Variants in C1orf174 observed in about 807,000 individuals in gnomAD.
C1orf174 encodes chromosome 1 open reading frame 174, also known as UPF0688 protein C1orf174.
C1orf174 carries 13 observed loss-of-function variants against 18.4 expected under a neutral mutation model. The observed-to-expected ratio is 0.71, with a 90% CI of 0.46 to 1.12. C1orf174 has a LOEUF of 1.12. Ranked by LOEUF, C1orf174 falls within the 50% of genes most tolerant of loss-of-function variation. The probability of loss-of-function intolerance (pLI) is 0.00; values close to 1 mark genes in which losing one functional copy is unlikely to be tolerated. For synonymous variants in C1orf174, 100 were observed against 118.3 expected (o/e 0.85, Z 1.01); for missense variants, 309 against 308.0 (o/e 1.00, Z -0.02).
chr1:3,895,211 A>G (rs561622611), intron 1 of C1orf174: 1 of 152,436 alleles, frequency 6.6e-6, no homozygotes, highest in Non-Finnish European at 1.5e-5. Context: ...CCCATTTCAG[A>G]TGAGGACAAC....
At chr1:3,895,915 T>A (rs1638598753) in intron 1 of C1orf174, 1 of 152,274 alleles carries the variant, frequency 6.6e-6, no homozygotes, top group Admixed American at 6.5e-5. Flanking sequence ...GGAGCTTCAC[T>A]GACCTTCTCA....
intron 1 of C1orf174, 88 bp downstream of exon 1, chr1:3,900,084 C>T (rs1184024794): frequency 4.7e-6 from 7 of 1,479,614 alleles, no homozygotes; most frequent in Non-Finnish European, 6.3e-6. Flanking sequence ...CACAGGCACC[C>T]CGTGACCCCG....
chr1:3,891,840 G>A (rs963294713), intron 2 of C1orf174: 1 of 984,246 alleles, frequency 1.0e-6, no homozygotes, highest in Middle Eastern at 5.2e-4. Context: ...ACACACGGGT[G>A]GGCAGGTGCT....
intron 2 of C1orf174, 35 bp from the exon 3 acceptor site, chr1:3,891,092 T>C: frequency 6.4e-7 from 1 of 1,571,556 alleles, no homozygotes; most frequent in Non-Finnish European, 8.6e-7. Context: ...GAACCAGACA[T>C]ATCTAGCAAA....
chr1:3,893,202 G>C (rs762645744), intron 1 of C1orf174, among the ~76,000 whole-genome samples: 9 of 152,136 alleles, frequency 5.9e-5, no homozygotes, highest in African/African-American at 1.7e-4. Context: ...CTATTTCCAC[G>C]ATTTTGGAGG....
chr1:3,894,286 GA>G (rs1022316770), intron 1 of C1orf174, among the ~76,000 whole-genome samples: 9 of 151,796 alleles, frequency 5.9e-5, no homozygotes, highest in Admixed American at 2.6e-4. Flanking sequence ...ATAAAAAAAG[GA>G]AAAAAACAAA....
intron 1 of C1orf174, among the ~76,000 whole-genome samples, chr1:3,894,859 C>T (rs952406439): frequency 5.3e-5 from 8 of 152,180 alleles, no homozygotes; most frequent in African/African-American, 1.7e-4. Context: ...CCGGGGGCTG[C>T]GCCTCCGTCC....
At position 3,890,012 on chromosome 1, in the gene C1orf174, T is replaced by A. The variant is rs1272301845; in HGVS notation, c.680A>T (p.His227Leu). The stretch of plus-strand genomic sequence containing the variant: ...ATCATCATCATCTTTGGCTCTGAAA[T>A]GCATTTTTCTGAACTCTCGTCTGCT... Reference protein sequence around the residue: ...SMSRREFRKMHFRAKDDDDDD... With the variant: ...SMSRREFRKMLFRAKDDDDDD... Residue 227 changes from histidine to leucine, a missense_variant, in exon 4 of 4, where the codon CAT becomes CTT. Physicochemically the swap from His to Leu is moderately conservative, Grantham distance 99 (BLOSUM62 -3). Coordinates refer to ENST00000361605, the MANE Select transcript of C1orf174 (RefSeq NM_207356.3). 1 of 1,614,252 alleles carries A rather than the reference T, an allele frequency of 6.2e-7. No homozygotes were observed. The highest frequency in any genetic ancestry group is 1.7e-5 in the Admixed American group (1 of 60,030).
intron 3 of C1orf174, 89 bp downstream of exon 3, chr1:3,890,480 T>C: frequency 1.3e-6 from 2 of 1,516,658 alleles, no homozygotes; most frequent in Non-Finnish European, 1.8e-6. Context: ...TGTCGAGGCA[T>C]TATTTACCTG....
At chr1:3,894,054 G>A (rs1035007249) in intron 1 of C1orf174, among the ~76,000 whole-genome samples, 5 of 152,162 alleles carry the variant, frequency 3.3e-5, no homozygotes, top group African/African-American at 9.7e-5. Flanking sequence ...TATTTTATCG[G>A]TTTCTCCATG....
At chr1:3,897,671 C>T (rs1638630853) in intron 1 of C1orf174, among the ~76,000 whole-genome samples, 1 of 149,600 alleles carries the variant, frequency 6.7e-6, no homozygotes, top group Admixed American at 6.7e-5. Flanking sequence ...ATCCAGGAAT[C>T]TTTTTTTTTT....
chr1:3,892,729 C>T, intron 2 of C1orf174, 154 bp downstream of exon 2: 1 of 1,463,426 alleles, frequency 6.8e-7, no homozygotes, highest in South Asian at 1.4e-5. Context: ...AAGGCAATTA[C>T]AGTGCTGTCA....
In C1orf174 at chr1:3,900,225, C is replaced by G; in HGVS notation, c.-39G>C. On this transcript the variant is annotated 5_prime_UTR_variant, in exon 1 of 4. Coordinates refer to ENST00000361605, the MANE Select transcript of C1orf174 (RefSeq NM_207356.3). ...GCAGCCAAGCACCGCGCGCCCCGGC[C>G]AACGCGTCCCGGCGGAGCGGCGACC... The G allele has an allele frequency of 6.4e-7, 1 of 1,555,120 alleles. No individual in the cohort carries two copies. Among genetic ancestry groups the G allele is most frequent in the Non-Finnish European group, 8.6e-7 (1 of 1,162,722 alleles).
rs779260859 is a variant in C1orf174 at position 3,890,632 on chromosome 1, T to C, written c.555A>G (p.Leu185=). The change falls in exon 3 of 4, where the codon CTA becomes CTG. Residue 185 remains leucine (L), a synonymous_variant. Transcript: ENST00000361605. Reference sequence around the variant, plus strand: ...GCATTGGCTGATTGCTGTCGTCATCTAGAAAGACGCTGTTGTCCATCTGAA... The same window carrying C: ...GCATTGGCTGATTGCTGTCGTCATCCAGAAAGACGCTGTTGTCCATCTGAA... ...PPLQMDNSVF[L]DDDSNQPMPV... 1.2e-6 allele frequency: 2 copies of C among 1,614,156 alleles called. No homozygotes were observed. The highest frequency in any genetic ancestry group is 1.1e-5 in the South Asian group (1 of 91,074).
Position 3,892,947 on chromosome 1 carries a change from G to C in C1orf174, c.65C>G (p.Ser22Trp), listed in dbSNP as rs149763140. The C allele has an allele frequency of 1.9e-6, 3 of 1,614,032 alleles. No homozygotes were observed. The highest frequency in any genetic ancestry group is 1.6e-4 in the Middle Eastern group (1 of 6,084). ...SSARLKARSC[S>W]AARLASAQEV... ...CTGGGCAGAGGCCAACCTGGCTGCCGAACAACTTCGTGCTTTCAAGCGCGC... is the reference window on the plus strand; with the variant it reads ...CTGGGCAGAGGCCAACCTGGCTGCCCAACAACTTCGTGCTTTCAAGCGCGC... The change falls in exon 2 of 4, where the codon TCG becomes TGG. Residue 22 changes from serine to tryptophan, a missense_variant. Coordinates refer to ENST00000361605, the MANE Select transcript of C1orf174 (RefSeq NM_207356.3).
intron 2 of C1orf174, 169 bp from the exon 3 acceptor site, chr1:3,891,226 G>A (rs1436108099): frequency 7.1e-6 from 6 of 846,474 alleles, no homozygotes; most frequent in African/African-American, 3.4e-5. Flanking sequence ...AAATACAAGC[G>A]AGACTGAATC....
chr1:3,895,877 C>G (rs1638597759), intron 1 of C1orf174: 1 of 152,226 alleles, frequency 6.6e-6, no homozygotes, highest in Admixed American at 6.5e-5. Flanking sequence ...AAGGGCTGGC[C>G]GAGACTGACT....
At chr1:3,899,755 C>T (rs1638673274) in intron 1 of C1orf174, among the ~76,000 whole-genome samples, 1 of 152,158 alleles carries the variant, frequency 6.6e-6, no homozygotes, top group African/African-American at 2.4e-5. Flanking sequence ...TGGGAGCCCC[C>T]TGTTGCCCAG....
Position 3,890,388 on chromosome 1 carries a change from G to A in C1orf174, c.618+181C>T, listed in dbSNP as rs894693841. Among the ~76,000 whole-genome samples the A allele has an allele frequency of 3.9e-5, 6 of 152,292 alleles. No individual in the cohort carries two copies. In the East Asian group the frequency reaches 7.7e-4, roughly 20 times the overall value. On this transcript the variant is annotated intron_variant, in intron 3 of 3. Transcript: ENST00000361605. ...CCGAGAGCAGTGATTCTCAGCTCGG[G>A]AGATGCAGGGAGAGCCCCCAATTAG...
Sources: allele counts gnomAD v4.1 joint callset (sites outside exome capture counted in the v4.1 genomes callset), GRCh38; gene constraint gnomAD v4.1.1; transcripts MANE v1.5; gene names NCBI Gene and HGNC (gene_info 2026-07-23, HGNC 2026-07-21).